OPCML: variants seen among roughly 807,000 people sequenced by gnomAD.
The protein encoded by OPCML is opioid-binding protein/cell adhesion molecule.
OPCML carries 13 observed loss-of-function variants against 37.8 expected under a neutral mutation model. That is an observed-to-expected ratio of 0.34 (90% CI 0.22 to 0.55). OPCML has a LOEUF of 0.55. Ranked by LOEUF, OPCML falls within the 20% of genes least tolerant of loss-of-function variation. The pLI, the probability that OPCML is intolerant of heterozygous loss-of-function variation, is 0.91. For synonymous variants in OPCML, 176 were observed against 168.8 expected (o/e 1.04, Z -0.33); for missense variants, 341 against 435.6 (o/e 0.78, Z 1.93).
chr11:133,319,749 T>C (rs1470709325), intron 1 of OPCML, among the ~76,000 whole-genome samples: 1 of 152,170 alleles, frequency 6.6e-6, no homozygotes, highest in Non-Finnish European at 1.5e-5. Flanking sequence ...CACACAGAGA[T>C]GCCAGTGTCA....
intron 3 of OPCML, among the ~76,000 whole-genome samples, chr11:132,620,237 T>C (rs761267978): frequency 6.6e-6 from 1 of 152,182 alleles, no homozygotes; most frequent in Non-Finnish European, 1.5e-5. Context: ...TACTAATGCA[T>C]TGAAACTCAC....
intron 1 of OPCML, among the ~76,000 whole-genome samples, chr11:133,410,454 AG>A (rs1456170335): frequency 6.6e-6 from 1 of 151,974 alleles, no homozygotes; most frequent in Non-Finnish European, 1.5e-5. Context: ...CCCCGTTTCC[AG>A]GAGCCATGCA....
At chr11:132,578,361 A>G (rs1318066764) in intron 3 of OPCML, among the ~76,000 whole-genome samples, 1 of 152,210 alleles carries the variant, frequency 6.6e-6, no homozygotes. Flanking sequence ...CTGAAAGAAA[A>G]CAATAGCAGT....
intron 3 of OPCML, among the ~76,000 whole-genome samples, chr11:132,543,608 C>T (rs1193939387): frequency 1.3e-5 from 2 of 151,936 alleles, no homozygotes; most frequent in African/African-American, 4.8e-5. Context: ...TTAAAAACTA[C>T]ATTTTGAGTT....
intron 7 of OPCML, among the ~76,000 whole-genome samples, chr11:132,420,594 A>C (rs1451304694): frequency 6.6e-6 from 1 of 152,204 alleles, no homozygotes; most frequent in Admixed American, 6.5e-5. Flanking sequence ...GGAAAGGCAG[A>C]CCTGCTGGCT....
chr11:133,400,842 T>C (rs544283168), intron 1 of OPCML, among the ~76,000 whole-genome samples: 5 of 152,218 alleles, frequency 3.3e-5, no homozygotes, highest in African/African-American at 1.2e-4. Context: ...GGTAGTAGGT[T>C]CCTGAGAAAG....
At chr11:132,696,314 C>T (rs1591742973) in intron 2 of OPCML, among the ~76,000 whole-genome samples, 2 of 152,184 alleles carry the variant, frequency 1.3e-5, no homozygotes, top group Admixed American at 6.5e-5. Context: ...AGAAAGCCCA[C>T]CCTAGCTATG....
chr11:132,726,841 G>A (rs1565812352), intron 2 of OPCML, among the ~76,000 whole-genome samples: 1 of 152,234 alleles, frequency 6.6e-6, no homozygotes, highest in Non-Finnish European at 1.5e-5. Context: ...AAAGGACATG[G>A]TTCCATGTGC....
At chr11:133,490,585 A>G (rs1947633653) in intron 1 of OPCML, among the ~76,000 whole-genome samples, 1 of 152,158 alleles carries the variant, frequency 6.6e-6, no homozygotes, top group Non-Finnish European at 1.5e-5. Context: ...CCTCCTCTCA[A>G]CATGGAAGCC....
intron 2 of OPCML, among the ~76,000 whole-genome samples, chr11:132,812,006 C>T (rs1015532916): frequency 2.0e-5 from 3 of 152,170 alleles, no homozygotes; most frequent in Non-Finnish European, 2.9e-5. Flanking sequence ...CCAGCTTAGA[C>T]GCAGTGGCTT....
chr11:132,852,667 C>G (rs1249125198), intron 2 of OPCML, among the ~76,000 whole-genome samples: 1 of 152,068 alleles, frequency 6.6e-6, no homozygotes, highest in African/African-American at 2.4e-5. Flanking sequence ...GCCTGTTTGC[C>G]TGTTTCACTT....
intron 1 of OPCML, among the ~76,000 whole-genome samples, chr11:133,442,580 T>A (rs571125144): frequency 6.6e-6 from 1 of 152,148 alleles, no homozygotes; most frequent in East Asian, 1.9e-4. Flanking sequence ...TTGGGGAAAA[T>A]CCATGCAATA....
At chr11:132,788,576 C>T (rs920123134) in intron 2 of OPCML, among the ~76,000 whole-genome samples, 3 of 152,154 alleles carry the variant, frequency 2.0e-5, no homozygotes, top group African/African-American at 7.2e-5. Context: ...GAAATGCCAT[C>T]ATCATCCCCA....
At chr11:132,726,193 A>T (rs573675686) in intron 2 of OPCML, among the ~76,000 whole-genome samples, 1 of 152,308 alleles carries the variant, frequency 6.6e-6, no homozygotes, top group Admixed American at 6.5e-5. Context: ...CAGACATGAG[A>T]CTGGGCAATT....
At chr11:133,418,823 C>T (rs546520235) in intron 1 of OPCML, among the ~76,000 whole-genome samples, 2 of 152,120 alleles carry the variant, frequency 1.3e-5, no homozygotes, top group Admixed American at 1.3e-4. Flanking sequence ...TTCCCAATTA[C>T]TTTTATAGAT....
At chr11:132,738,760 A>G (rs573051007) in intron 2 of OPCML, among the ~76,000 whole-genome samples, 17 of 152,304 alleles carry the variant, frequency 1.1e-4, no homozygotes, top group African/African-American at 2.2e-4. Flanking sequence ...AAGTCTCTTC[A>G]TTATTTTGCA....
At chr11:133,007,735 G>A in intron 1 of OPCML, 1 of 985,434 alleles carries the variant, frequency 1.0e-6, no homozygotes. Flanking sequence ...GCAGACCCAG[G>A]CCCACACAGA....
At chr11:132,533,340 G>A (rs906011440) in intron 3 of OPCML, among the ~76,000 whole-genome samples, 1 of 152,096 alleles carries the variant, frequency 6.6e-6, no homozygotes, top group South Asian at 2.1e-4. Flanking sequence ...GTAATAGCTA[G>A]GCAGAAGAAA....
chr11:132,724,377 C>T (rs1565809730), intron 2 of OPCML, among the ~76,000 whole-genome samples: 1 of 152,088 alleles, frequency 6.6e-6, no homozygotes, highest in Non-Finnish European at 1.5e-5. Flanking sequence ...TGTTAAAGAA[C>T]CCTTATATAA....
Sources: gnomAD v4.1 joint callset for allele counts (sites outside exome capture counted in the v4.1 genomes callset) on GRCh38, gnomAD v4.1.1 for gene constraint, MANE v1.5 for transcripts, NCBI Gene and HGNC (gene_info 2026-07-23, HGNC 2026-07-21) for gene names.